Variants in CDK14 observed in about 807,000 individuals in gnomAD.
CDK14 encodes cyclin-dependent kinase 14.
Under a neutral mutation model 60.7 loss-of-function variants are expected in CDK14, and 34 were observed. That is an observed-to-expected ratio of 0.56 (90% confidence interval 0.43 to 0.75). The LOEUF is 0.75. Among genes scored for constraint, CDK14 ranks in the 30% least tolerant of loss-of-function variants. CDK14 has a pLI of 0.00. For missense variants in CDK14, 482 were observed against 564.1 expected, an observed-to-expected ratio of 0.85 and a Z score of 1.47; for synonymous variants, 197 against 203.7, an observed-to-expected ratio of 0.97 and a Z score of 0.28.
chr7:90,748,328 G>C (rs1347618324), intron 4 of CDK14, among the ~76,000 whole-genome samples: 1 of 151,872 alleles, frequency 6.6e-6, no homozygotes, highest in Non-Finnish European at 1.5e-5. Flanking sequence ...TTGCTCTCTG[G>C]GGGTCAGGGC....
chr7:91,041,943 A>G (rs550484507), intron 10 of CDK14, among the ~76,000 whole-genome samples: 1 of 152,042 alleles, frequency 6.6e-6, no homozygotes, highest in Non-Finnish European at 1.5e-5. Context: ...AACATCATCC[A>G]CTCTGAGGAC....
At chr7:91,000,644 C>T (rs773544654) in intron 10 of CDK14, among the ~76,000 whole-genome samples, 5 of 152,170 alleles carry the variant, frequency 3.3e-5, no homozygotes, top group Non-Finnish European at 5.9e-5. Flanking sequence ...TTCAGGGCTA[C>T]CTGTGACAAT....
At chr7:90,715,870 T>C (rs1027974416) in intron 2 of CDK14, among the ~76,000 whole-genome samples, 1 of 151,824 alleles carries the variant, frequency 6.6e-6, no homozygotes, top group Non-Finnish European at 1.5e-5. Flanking sequence ...ACCCGCTTGC[T>C]CTGCTTGGAG....
chr7:90,777,287 G>A (rs543134048), intron 4 of CDK14, among the ~76,000 whole-genome samples: 65 of 152,208 alleles, frequency 4.3e-4, no homozygotes, highest in Non-Finnish European at 7.6e-4. Flanking sequence ...TCTCTTTTAC[G>A]TGGTAAGGAC....
chr7:90,790,676 T>C (rs745445236), intron 5 of CDK14, 24 bp downstream of exon 5: 25 of 1,537,044 alleles, frequency 1.6e-5, no homozygotes, highest in South Asian at 3.4e-5. Flanking sequence ...CTTGTTGATA[T>C]TGCTTTTGTG....
intron 5 of CDK14, among the ~76,000 whole-genome samples, chr7:90,814,134 A>C (rs1212821314): frequency 6.6e-6 from 1 of 152,226 alleles, no homozygotes; most frequent in Non-Finnish European, 1.5e-5. Flanking sequence ...CAAAGATCTT[A>C]AAATTTATTA....
At chr7:90,942,890 C>T (rs1230833850) in intron 8 of CDK14, among the ~76,000 whole-genome samples, 1 of 152,116 alleles carries the variant, frequency 6.6e-6, no homozygotes, top group Admixed American at 6.5e-5. Flanking sequence ...AAGAAACAGC[C>T]TCAAATGTAA....
intron 8 of CDK14, among the ~76,000 whole-genome samples, chr7:90,948,350 G>A (rs1053637880): frequency 5.3e-5 from 8 of 152,188 alleles, no homozygotes; most frequent in African/African-American, 1.7e-4. Flanking sequence ...AAATGATTTT[G>A]CATTCTCTGC....
chr7:90,727,221 A>C (rs939424355), intron 3 of CDK14, among the ~76,000 whole-genome samples: 12 of 152,120 alleles, frequency 7.9e-5, no homozygotes, highest in African/African-American at 2.9e-4. Context: ...CACTTGCGTT[A>C]ATCCAGTTTT....
intron 12 of CDK14, among the ~76,000 whole-genome samples, chr7:91,110,628 T>C (rs1799443801): frequency 6.6e-6 from 1 of 152,192 alleles, no homozygotes; most frequent in Admixed American, 6.5e-5. Context: ...ACCTTTCTCT[T>C]CTTGTATTTA....
chr7:91,050,133 G>A (rs1299883804), intron 11 of CDK14, among the ~76,000 whole-genome samples: 3 of 152,166 alleles, frequency 2.0e-5, no homozygotes, highest in African/African-American at 4.8e-5. Context: ...AGACGACGTG[G>A]GGCCTTGAGG....
chr7:90,603,262 ATTC>A (rs1430609237), intron 1 of CDK14, among the ~76,000 whole-genome samples: 2 of 152,300 alleles, frequency 1.3e-5, no homozygotes. Context: ...TGTAGGTGAA[ATTC>A]TTCTTCTATG....
intron 12 of CDK14, among the ~76,000 whole-genome samples, chr7:91,106,126 T>C (rs896480287): frequency 7.2e-5 from 11 of 152,198 alleles, no homozygotes; most frequent in Admixed American, 2.6e-4. Flanking sequence ...GATTTTTTCT[T>C]GAATTGTTGA....
intron 12 of CDK14, among the ~76,000 whole-genome samples, chr7:91,082,962 CATA>C (rs1317923231): frequency 1.3e-5 from 2 of 152,122 alleles, no homozygotes; most frequent in African/African-American, 4.8e-5. Context: ...AATTTTCTAA[CATA>C]ATAATATATT....
chr7:90,881,775 C>A (rs1032955583), intron 6 of CDK14, among the ~76,000 whole-genome samples: 102 of 152,102 alleles, frequency 6.7e-4, no homozygotes, highest in African/African-American at 2.4e-3. Context: ...AGATTGGAGG[C>A]CAATATTCAA....
intron 5 of CDK14, among the ~76,000 whole-genome samples, chr7:90,819,709 C>T (rs1789475787): frequency 6.6e-6 from 1 of 152,106 alleles, no homozygotes; most frequent in African/African-American, 2.4e-5. Context: ...TGTTAGCCTT[C>T]CTCCAGTAGG....
intron 4 of CDK14, among the ~76,000 whole-genome samples, chr7:90,782,631 A>G (rs1805390286): frequency 6.6e-6 from 1 of 152,004 alleles, no homozygotes; most frequent in Non-Finnish European, 1.5e-5. Context: ...ACTTGTCTAT[A>G]TTGTTTATCC....
chr7:90,967,198 G>A (rs980624935), intron 9 of CDK14, among the ~76,000 whole-genome samples: 1 of 150,252 alleles, frequency 6.7e-6, no homozygotes, highest in Non-Finnish European at 1.5e-5. Context: ...AAGGAAGGAA[G>A]GAAGAAAGGA....
intron 5 of CDK14, among the ~76,000 whole-genome samples, chr7:90,846,389 C>T (rs1034086406): frequency 6.6e-6 from 1 of 152,174 alleles, no homozygotes; most frequent in Non-Finnish European, 1.5e-5. Flanking sequence ...TTCTCACCCA[C>T]TTAAGAGGAG....
Sources: allele counts gnomAD v4.1 joint callset (sites outside exome capture counted in the v4.1 genomes callset), GRCh38; gene constraint gnomAD v4.1.1; transcripts MANE v1.5; gene names NCBI Gene and HGNC (gene_info 2026-07-23, HGNC 2026-07-21).